The following GPHN variants were observed in gnomAD, a reference collection of about 807,000 sequenced individuals.
GPHN encodes gephyrin.
Under a neutral mutation model 95.5 loss-of-function variants are expected in GPHN, and 17 were observed. The observed-to-expected ratio is 0.18, with a 90% CI of 0.12 to 0.27. The LOEUF is 0.27. Ranked by LOEUF, GPHN falls within the 10% of genes least tolerant of loss-of-function variation. The pLI is 1.00. For synonymous variants in GPHN, 320 were observed against 322.5 expected (o/e 0.99, Z 0.08); for missense variants, 660 against 978.1 (o/e 0.67, Z 4.34).
chr14:66,835,276 G>A (rs992666199), intron 4 of GPHN, among the ~76,000 whole-genome samples: 3 of 147,998 alleles, frequency 2.0e-5, no homozygotes, highest in African/African-American at 7.5e-5. Flanking sequence ...TCTGATTTTA[G>A]TTATTTCTTG....
chr14:67,267,856 G>C, the GPHN span, among the ~76,000 whole-genome samples: 6 of 152,216 alleles, frequency 3.9e-5, no homozygotes, highest in African/African-American at 1.2e-4. Flanking sequence ...CTCGTGTCTG[G>C]CATTGTGTTT....
the GPHN span, chr14:67,726,835 C>T: frequency 2.8e-6 from 2 of 725,098 alleles, no homozygotes; most frequent in Non-Finnish European, 4.9e-6. Context: ...AAACTCAGAC[C>T]AAACTGACCA....
chr14:66,740,643 G>A (rs2072721680), intron 2 of GPHN, among the ~76,000 whole-genome samples: 1 of 151,546 alleles, frequency 6.6e-6, no homozygotes, highest in East Asian at 1.9e-4. Flanking sequence ...TGCTTTTCCT[G>A]TGGTAAGTGC....
At chr14:67,038,559 G>C (rs1462978262) in intron 10 of GPHN, among the ~76,000 whole-genome samples, 1 of 151,876 alleles carries the variant, frequency 6.6e-6, no homozygotes, top group African/African-American at 2.4e-5. Context: ...TCTCTTTTTT[G>C]TGATGTGTAT....
At chr14:66,571,766 G>A (rs531902037) in intron 1 of GPHN, among the ~76,000 whole-genome samples, 8 of 152,108 alleles carry the variant, frequency 5.3e-5, no homozygotes, top group Non-Finnish European at 7.4e-5. Flanking sequence ...AGCCGAGATC[G>A]TGCCACTGCA....
chr14:66,894,813 A>G (rs1163372281), intron 5 of GPHN, among the ~76,000 whole-genome samples: 3 of 152,234 alleles, frequency 2.0e-5, no homozygotes. Flanking sequence ...ATGAGATACC[A>G]TCTCACACCA....
chr14:66,767,582 T>C (rs2059011295), intron 2 of GPHN, among the ~76,000 whole-genome samples: 1 of 151,938 alleles, frequency 6.6e-6, no homozygotes, highest in Non-Finnish European at 1.5e-5. Context: ...TTATCTGATA[T>C]GGGTATGTGT....
At chr14:67,373,842 A>AGTGTGTGT in the GPHN span, among the ~76,000 whole-genome samples, 2,277 of 145,780 alleles carry the variant, frequency 0.016, 62 homozygotes, top group African/African-American at 0.052. Flanking sequence ...TAATTTGTTC[A>AGTGTGTGT]GTGTGTGTGT....
the GPHN span, among the ~76,000 whole-genome samples, chr14:67,432,104 A>G: frequency 6.6e-6 from 1 of 152,230 alleles, no homozygotes. Flanking sequence ...ATGAATTGGT[A>G]ACATCTGCCC....
At chr14:67,365,413 G>T in the GPHN span, among the ~76,000 whole-genome samples, 2 of 152,188 alleles carry the variant, frequency 1.3e-5, no homozygotes, top group African/African-American at 4.8e-5. Flanking sequence ...TGAAAATGGG[G>T]CAAATGGATT....
the GPHN span, among the ~76,000 whole-genome samples, chr14:67,406,627 G>A: frequency 6.6e-6 from 1 of 152,146 alleles, no homozygotes; most frequent in Non-Finnish European, 1.5e-5. Flanking sequence ...GCAAGCTTAC[G>A]TTCTCATGTT....
intron 9 of GPHN, among the ~76,000 whole-genome samples, chr14:67,016,844 C>T (rs934592509): frequency 6.6e-6 from 1 of 152,000 alleles, no homozygotes; most frequent in African/African-American, 2.4e-5. Context: ...CTTATTGTGC[C>T]TCAGATTCTA....
intron 1 of GPHN, among the ~76,000 whole-genome samples, chr14:66,540,042 C>T (rs7149823): frequency 0.33 from 49,909 of 152,130 alleles, 12,018 homozygotes; most frequent in African/African-American, 0.66. Context: ...TTGTGTACTT[C>T]TGCTAAGTTA....
intron 2 of GPHN, among the ~76,000 whole-genome samples, chr14:66,727,561 A>G (rs1181001225): frequency 6.6e-6 from 1 of 152,196 alleles, no homozygotes; most frequent in Non-Finnish European, 1.5e-5. Flanking sequence ...ATGGAGATGA[A>G]GTACTTGTTG....
At chr14:67,253,956 TTGTTTTG>T in the GPHN span, among the ~76,000 whole-genome samples, 17 of 151,342 alleles carry the variant, frequency 1.1e-4, no homozygotes, top group African/African-American at 3.2e-4. Context: ...TGTTAATATT[TTGTTTTG>T]TTTTTTTTTT....
chr14:67,572,353 T>C, the GPHN span: 2 of 1,330,818 alleles, frequency 1.5e-6, no homozygotes, highest in Non-Finnish European at 2.0e-6. Flanking sequence ...GCACAAGACA[T>C]AGGCAGTAGC....
At chr14:66,818,473 GTACCA>G (rs1269641889) in intron 3 of GPHN, among the ~76,000 whole-genome samples, 7 of 152,166 alleles carry the variant, frequency 4.6e-5, no homozygotes, top group Non-Finnish European at 7.4e-5. Flanking sequence ...TGGAGCATAG[GTACCA>G]CATTTTCTTT....
chr14:67,128,304 T>G (rs953005774), intron 17 of GPHN, among the ~76,000 whole-genome samples: 2 of 151,882 alleles, frequency 1.3e-5, no homozygotes, highest in South Asian at 2.1e-4. Flanking sequence ...TCGCCCAGGC[T>G]GGGGTGCAGT....
chr14:66,880,468 G>A (rs1367260528), intron 5 of GPHN, among the ~76,000 whole-genome samples: 1 of 151,806 alleles, frequency 6.6e-6, no homozygotes, highest in African/African-American at 2.4e-5. Flanking sequence ...TTATTACTAT[G>A]TAAAGTTACT....
Sources: allele counts gnomAD v4.1 joint callset (sites outside exome capture counted in the v4.1 genomes callset), GRCh38; gene constraint gnomAD v4.1.1; transcripts MANE v1.5; gene names NCBI Gene and HGNC (gene_info 2026-07-23, HGNC 2026-07-21).